Variants in ATRNL1 observed in about 807,000 individuals in gnomAD.
ATRNL1 encodes the protein attractin-like protein 1.
A neutral mutation model predicts 182.7 loss-of-function variants in ATRNL1; 95 were observed. The observed-to-expected ratio is 0.52, with a 90% CI of 0.44 to 0.62. The LOEUF is 0.62. Ranked by LOEUF, ATRNL1 falls within the 20% of genes least tolerant of loss-of-function variation. The pLI, the probability that ATRNL1 is intolerant of heterozygous loss-of-function variation, is 0.00. For missense variants in ATRNL1, 1,471 were observed against 1,679.5 expected, an observed-to-expected ratio of 0.88 and a Z score of 2.17; for synonymous variants, 576 against 568.3, an observed-to-expected ratio of 1.01 and a Z score of -0.19.
intron 25 of ATRNL1, among the ~76,000 whole-genome samples, chr10:115,538,150 G>A (rs1354000091): frequency 6.6e-6 from 1 of 152,140 alleles, no homozygotes; most frequent in African/African-American, 2.4e-5. Context: ...AAATAATGCT[G>A]CTGTGATCAA....
chr10:115,234,668 G>T (rs1850101034), intron 9 of ATRNL1, among the ~76,000 whole-genome samples: 1 of 147,328 alleles, frequency 6.8e-6, no homozygotes, highest in Non-Finnish European at 1.5e-5. Context: ...TCGGCTCACT[G>T]CAACCTCCAC....
chr10:115,461,711 A>C (rs1315113444), intron 21 of ATRNL1, among the ~76,000 whole-genome samples: 1 of 152,036 alleles, frequency 6.6e-6, no homozygotes, highest in Non-Finnish European at 1.5e-5. Flanking sequence ...TTGTAATAGC[A>C]TCAGAAATAA....
Position 115,842,284 on chromosome 10 carries a change from T to G in ATRNL1, c.3904-5593T>G, listed in dbSNP as rs193249836. On this transcript the variant is annotated intron_variant, in intron 27 of 28. Coordinates refer to ENST00000355044, the MANE Select transcript of ATRNL1 (RefSeq NM_207303.4). ...TTGGCATGCGATGGTGGCCATTTAG[T>G]CTTATGTGATGTATTCATCATATGG... Among the ~76,000 whole-genome samples the G allele has an allele frequency of 2.6e-5, 4 of 152,250 alleles. No homozygotes were observed. The East Asian group carries it at 7.7e-4, about 29-fold the overall frequency.
chr10:115,177,293 G>A (rs1220459071), intron 8 of ATRNL1, among the ~76,000 whole-genome samples: 2 of 152,084 alleles, frequency 1.3e-5, no homozygotes, highest in Non-Finnish European at 2.9e-5. Flanking sequence ...GGATTTAATA[G>A]GGAATGAGAG....
chr10:115,586,605 C>T (rs1555009995), intron 26 of ATRNL1, among the ~76,000 whole-genome samples: 1 of 109,542 alleles, frequency 9.1e-6, no homozygotes, highest in Admixed American at 1.1e-4. Context: ...TCAGCTCCAT[C>T]AGCTCCTTTA....
At chr10:115,696,104 T>C (rs1555049699) in intron 26 of ATRNL1, among the ~76,000 whole-genome samples, 1 of 152,182 alleles carries the variant, frequency 6.6e-6, no homozygotes, top group Non-Finnish European at 1.5e-5. Context: ...TTCACCATGT[T>C]AGCCAGGATG....
At chr10:115,218,489 G>A (rs1157096790) in intron 9 of ATRNL1, among the ~76,000 whole-genome samples, 3 of 152,120 alleles carry the variant, frequency 2.0e-5, no homozygotes, top group African/African-American at 7.2e-5. Flanking sequence ...TGGCTTACTC[G>A]CAAATGGGTC....
At chr10:115,141,949 T>G (rs1315665623) in intron 5 of ATRNL1, among the ~76,000 whole-genome samples, 1 of 152,152 alleles carries the variant, frequency 6.6e-6, no homozygotes, top group Non-Finnish European at 1.5e-5. Flanking sequence ...ATTCATTTAT[T>G]TATCTTTTTC....
chr10:115,464,516 G>T lies in ATRNL1; in HGVS notation c.3417+2481G>T, dbSNP rs149868103. ...GAATAACTACAGTGTCACTTTTTCAGTACAGCTTTTTAAATCCTAAATGCT... is the reference window on the plus strand; with the variant it reads ...GAATAACTACAGTGTCACTTTTTCATTACAGCTTTTTAAATCCTAAATGCT... On this transcript the variant is annotated intron_variant, in intron 22 of 28. Coordinates refer to ENST00000355044, the MANE Select transcript of ATRNL1 (RefSeq NM_207303.4). Among the ~76,000 whole-genome samples, 1,084 of 151,920 alleles carry T rather than the reference G, an allele frequency of 7.1e-3. 5 individuals are homozygous for T. Among genetic ancestry groups the T allele is most frequent in the Non-Finnish European group, 0.013 (862 of 67,856 alleles).
chr10:115,878,713 C>T (rs1006680711), intron 28 of ATRNL1, among the ~76,000 whole-genome samples: 10 of 152,124 alleles, frequency 6.6e-5, no homozygotes, highest in African/African-American at 1.9e-4. Flanking sequence ...TCAAGACTCT[C>T]GGTTGCATAA....
At chr10:115,251,104 C>T (rs934510105) in intron 10 of ATRNL1, among the ~76,000 whole-genome samples, 6 of 152,138 alleles carry the variant, frequency 3.9e-5, no homozygotes, top group African/African-American at 9.7e-5. Flanking sequence ...ACATCTTGCA[C>T]GACACCTGCA....
intron 26 of ATRNL1, among the ~76,000 whole-genome samples, chr10:115,646,930 C>T (rs1306127026): frequency 7.0e-6 from 1 of 142,142 alleles, no homozygotes; most frequent in African/African-American, 2.6e-5. Flanking sequence ...TCTCCTAATG[C>T]TAGCCCTCCC....
intron 24 of ATRNL1, among the ~76,000 whole-genome samples, chr10:115,513,075 G>A (rs1554983050): frequency 2.6e-5 from 4 of 151,878 alleles, no homozygotes; most frequent in Admixed American, 1.3e-4. Flanking sequence ...ATCAGCTATC[G>A]TTAGTGTGTT....
At chr10:115,554,496 C>G (rs1554996516) in intron 26 of ATRNL1, among the ~76,000 whole-genome samples, 1 of 151,466 alleles carries the variant, frequency 6.6e-6, no homozygotes. Flanking sequence ...CTCAGTTCAA[C>G]AAAGGTGTAT....
At chr10:115,757,514 C>T in intron 27 of ATRNL1, among the ~76,000 whole-genome samples, 1 of 152,200 alleles carries the variant, frequency 6.6e-6, no homozygotes, top group East Asian at 1.9e-4. Context: ...TGTAGGGTTT[C>T]TGTCAAGAAA....
In ATRNL1 at chr10:115,828,322, A is replaced by AAAAAGAAAAG. The variant is rs375599574; in HGVS notation, c.3904-19536_3904-19527dup. Among the ~76,000 whole-genome samples the AAAAAGAAAAG allele has an allele frequency of 6.6e-5, 10 of 151,950 alleles. No individual in the cohort carries two copies. The South Asian group carries it at 8.3e-4, about 13-fold the overall frequency. ...ACAAGAGCAAAACTCCGTCTCAAAA[A>AAAAAGAAAAG]AAAAGAAAAGAAAAGAAAAGAAAAG... On this transcript the variant is annotated intron_variant, in intron 27 of 28. Coordinates refer to ENST00000355044, the MANE Select transcript of ATRNL1 (RefSeq NM_207303.4).
intron 25 of ATRNL1, among the ~76,000 whole-genome samples, chr10:115,536,091 G>A (rs1001000719): frequency 5.3e-5 from 8 of 152,080 alleles, no homozygotes; most frequent in African/African-American, 9.7e-5. Flanking sequence ...CAGTCTGCCC[G>A]TTCTCAGATC....
intron 18 of ATRNL1, among the ~76,000 whole-genome samples, chr10:115,319,524 T>A (rs1854475629): frequency 6.6e-6 from 1 of 152,208 alleles, no homozygotes; most frequent in East Asian, 1.9e-4. Flanking sequence ...AGTCTAAGTC[T>A]CTTTGTAGGT....
chr10:115,415,951 A>G (rs1288752859), intron 20 of ATRNL1, among the ~76,000 whole-genome samples: 1 of 151,924 alleles, frequency 6.6e-6, no homozygotes, highest in African/African-American at 2.4e-5. Flanking sequence ...AATTATAGAG[A>G]CTTTGAGTAT....
Sources: allele counts gnomAD v4.1 joint callset (sites outside exome capture counted in the v4.1 genomes callset), GRCh38; gene constraint gnomAD v4.1.1; transcripts MANE v1.5; gene names NCBI Gene and HGNC (gene_info 2026-07-23, HGNC 2026-07-21).